Variants in PKHD1L1 observed in about 807,000 individuals in gnomAD.
The protein encoded by PKHD1L1 is fibrocystin-L.
A neutral mutation model predicts 462.9 loss-of-function variants in PKHD1L1; 434 were observed. That is an observed-to-expected ratio of 0.94 (90% CI 0.87 to 1.02). The LOEUF is 1.02. Among genes scored for constraint, PKHD1L1 ranks in the 50% least tolerant of loss-of-function variants. The probability of loss-of-function intolerance (pLI) is 0.00; values close to 1 mark genes in which losing one functional copy is unlikely to be tolerated. For synonymous variants in PKHD1L1, 1,781 were observed against 1,750.0 expected (o/e 1.02, Z -0.44); for missense variants, 5,202 against 5,096.1 (o/e 1.02, Z -0.63).
intron 51 of PKHD1L1, 66 bp downstream of exon 51, chr8:109,475,335 C>A (rs956288743): frequency 7.2e-6 from 9 of 1,245,160 alleles, no homozygotes; most frequent in Non-Finnish European, 9.7e-6. Context: ...CATCCTCATA[C>A]TTACTCACAG....
At chr8:109,523,593 T>C (rs1820670066) in intron 76 of PKHD1L1, among the ~76,000 whole-genome samples, 2 of 152,272 alleles carry the variant, frequency 1.3e-5, no homozygotes, top group East Asian at 3.9e-4. Context: ...AATAAAAAAT[T>C]AAGGAAATCG....
intron 2 of PKHD1L1, among the ~76,000 whole-genome samples, chr8:109,379,615 G>T (rs1031532051): frequency 1.3e-5 from 2 of 152,114 alleles, no homozygotes; most frequent in African/African-American, 4.8e-5. Flanking sequence ...GCATGGAGCT[G>T]GATATAAAGG....
rs1417772388 is a variant in PKHD1L1, at chr8:109,445,279, C to T, written c.5410C>T (p.Pro1804Ser). 2 of 1,613,846 alleles carry T rather than the reference C, an allele frequency of 1.2e-6. No homozygotes were observed. Among genetic ancestry groups the T allele is most frequent in the Non-Finnish European group, 1.7e-6 (2 of 1,179,878 alleles). Residue 1804 changes from proline to serine, a missense_variant, in exon 38 of 78, where the codon CCT becomes TCT. Physicochemically the swap from Pro to Ser is moderately conservative, Grantham distance 74 (BLOSUM62 -1). This residue lies in a region of PKHD1L1 where 4,497 missense variants were observed against 4,336.8 expected (regional missense o/e 1.04). Coordinates refer to ENST00000378402, the MANE Select transcript of PKHD1L1 (RefSeq NM_177531.6). The stretch of plus-strand genomic sequence containing the variant: ...AAACAACATCACTGCTCTTGTGACT[C>T]CTCTCCCAGTTGGACATCATTCTGT... ...NENNITALVT[P>S]LPVGHHSVSV...
At chr8:109,469,772 A>G (rs1817630053) in intron 50 of PKHD1L1, among the ~76,000 whole-genome samples, 1 of 152,182 alleles carries the variant, frequency 6.6e-6, no homozygotes, top group Non-Finnish European at 1.5e-5. Context: ...TCTGATAACT[A>G]GATGTCCAGA....
intron 25 of PKHD1L1, among the ~76,000 whole-genome samples, chr8:109,428,982 T>A (rs966266473): frequency 3.3e-5 from 5 of 152,206 alleles, no homozygotes; most frequent in African/African-American, 1.2e-4. Context: ...TTAAGAATAA[T>A]TTATCAGTTA....
At chr8:109,467,859 T>C (rs1817531760) in intron 50 of PKHD1L1, among the ~76,000 whole-genome samples, 1 of 146,830 alleles carries the variant, frequency 6.8e-6, no homozygotes, top group African/African-American at 2.4e-5. Context: ...GACAGCAATA[T>C]GGAAAACTGT....
chr8:109,437,193 C>A (rs1345039194), intron 30 of PKHD1L1, among the ~76,000 whole-genome samples: 2 of 152,120 alleles, frequency 1.3e-5, no homozygotes, highest in African/African-American at 2.4e-5. Context: ...GGATTACAGA[C>A]GTGAGCCACC....
In PKHD1L1 at chr8:109,404,586, G is replaced by C. The variant is rs373602773; in HGVS notation, c.1406G>C (p.Arg469Thr). ...YYIEILLQEY[R>T]LSAFVDVGLY... ...ATTGAAATCTTGCTGCAGGAGTACA[G>C]ATTAAGTGCATTTGTTGATGTTGGA... The change falls in exon 15 of 78, where the codon AGA becomes ACA. Residue 469 changes from arginine to threonine, a missense_variant. By Grantham distance (71) the Arg-to-Thr change is moderately conservative. This residue lies in a region of PKHD1L1 where 4,497 missense variants were observed against 4,336.8 expected (regional missense o/e 1.04). Coordinates refer to ENST00000378402, the MANE Select transcript of PKHD1L1 (RefSeq NM_177531.6). 5 of 1,590,604 alleles carry C rather than the reference G, an allele frequency of 3.1e-6. No homozygotes were observed. In the African/African-American group the frequency reaches 5.4e-5, roughly 17 times the overall value.
At chr8:109,403,386 T>A (rs1485861549) in intron 14 of PKHD1L1, among the ~76,000 whole-genome samples, 1 of 152,186 alleles carries the variant, frequency 6.6e-6, no homozygotes, top group Non-Finnish European at 1.5e-5. Flanking sequence ...TAAAAAATTT[T>A]GAATCCTTAA....
In PKHD1L1 at chr8:109,476,617, A is replaced by G; in HGVS notation, c.8867A>G (p.Lys2956Arg). ...AATCCATTGAATTGGAATACTAGCA[A>G]GAATGGGGACTGGCACCTTGAAGCA... ...SSNPLNWNTS[K>R]NGDWHLEANT... Residue 2956 changes from lysine (K) to arginine (R), a missense_variant, in exon 52 of 78, where the codon AAG becomes AGG. By Grantham distance (26) the Lys-to-Arg change is conservative. Around this residue, in one of 3 missense-constraint regions of PKHD1L1, gnomAD observed 4,497 missense variants for 4,336.8 expected, o/e 1.04. Coordinates refer to ENST00000378402, the MANE Select transcript of PKHD1L1 (RefSeq NM_177531.6). 1 of 1,598,954 alleles carries G rather than the reference A, an allele frequency of 6.3e-7. No individual in the cohort carries two copies. The highest frequency in any genetic ancestry group is 8.5e-7 in the Non-Finnish European group (1 of 1,171,420).
intron 2 of PKHD1L1, among the ~76,000 whole-genome samples, chr8:109,374,617 A>G (rs996020827): frequency 6.6e-6 from 1 of 152,282 alleles, no homozygotes; most frequent in South Asian, 2.1e-4. Context: ...ACAATTTGGC[A>G]TGTTTTTACA....
At position 109,419,157 on chromosome 8, in the gene PKHD1L1, T is replaced by C. The variant is rs769014791; in HGVS notation, c.2421T>C (p.Asn807=). ...DLVRTKYTGT[N]VSLQRISLHK... is the part of the protein sequence containing the mutation. ...TAAGAACGAAATACACTGGGACAAA[T>C]GTTTCTCTTCAGAGGATTAGCTTAC... is the stretch of plus-strand genomic sequence containing the variant. The change falls in exon 22 of 78, where the codon AAT becomes AAC. Residue 807 remains asparagine, a synonymous_variant. Transcript: ENST00000378402. The C allele has an allele frequency of 1.9e-6, 3 of 1,613,644 alleles. No homozygotes were observed. The highest frequency in any genetic ancestry group is 2.5e-6 in the Non-Finnish European group (3 of 1,179,614).
intron 27 of PKHD1L1, among the ~76,000 whole-genome samples, chr8:109,431,755 C>G (rs1189262460): frequency 6.6e-6 from 1 of 152,170 alleles, no homozygotes; most frequent in Admixed American, 6.5e-5. Context: ...CAAGTTTTCA[C>G]TTTTACCAAT....
chr8:109,472,854 C>T (rs999347978), intron 50 of PKHD1L1, among the ~76,000 whole-genome samples: 2 of 151,768 alleles, frequency 1.3e-5, no homozygotes, highest in Non-Finnish European at 2.9e-5. Flanking sequence ...CTGAGTGAAA[C>T]AAAAGTTTAA....
chr8:109,522,706 A>C, intron 74 of PKHD1L1, 38 bp from the exon 75 acceptor site: 1 of 1,562,352 alleles, frequency 6.4e-7, no homozygotes. Flanking sequence ...AGTGTAGTTT[A>C]TCATGAAGAA....
chr8:109,498,334 C>A (rs1819224497), intron 65 of PKHD1L1, 128 bp from the exon 66 acceptor site: 2 of 253,658 alleles, frequency 7.9e-6, no homozygotes, highest in East Asian at 1.2e-4. Flanking sequence ...ATCTCCTGAC[C>A]TCATGATCCA....
intron 38 of PKHD1L1, among the ~76,000 whole-genome samples, chr8:109,446,780 A>G (rs1816166745): frequency 1.3e-5 from 2 of 152,136 alleles, no homozygotes; most frequent in Admixed American, 1.3e-4. Context: ...AAGGTATAAG[A>G]GACTTGCAGA....
chr8:109,393,490 T>G (rs1483285869), intron 9 of PKHD1L1, among the ~76,000 whole-genome samples: 2 of 152,222 alleles, frequency 1.3e-5, no homozygotes, highest in African/African-American at 4.8e-5. Context: ...TAATGGGCAC[T>G]GTGTTTATTA....
chr8:109,472,945 T>C (rs911129887), intron 50 of PKHD1L1, among the ~76,000 whole-genome samples: 1 of 152,122 alleles, frequency 6.6e-6, no homozygotes, highest in Admixed American at 6.6e-5. Flanking sequence ...AAGCATCTCA[T>C]GCATGATGGT....
Sources: allele counts gnomAD v4.1 joint callset (sites outside exome capture counted in the v4.1 genomes callset), GRCh38; gene constraint gnomAD v4.1.1; regional missense constraint gnomAD v4.1.1; transcripts MANE v1.5; gene names NCBI Gene and HGNC (gene_info 2026-07-23, HGNC 2026-07-21).